Variants in KIZ observed in about 807,000 individuals in gnomAD.
KIZ encodes the protein centrosomal protein kizuna.
Under a neutral mutation model 79.6 loss-of-function variants are expected in KIZ, and 68 were observed. The observed-to-expected ratio is 0.85, with a 90% CI of 0.70 to 1.05. KIZ has a LOEUF of 1.05. KIZ is among the 50% of genes least tolerant of loss of function. The pLI is 0.00. For synonymous variants in KIZ, 280 were observed against 281.8 expected, an observed-to-expected ratio of 0.99 and a Z score of 0.06; for missense variants, 797 against 800.4, an observed-to-expected ratio of 1.00 and a Z score of 0.05.
chr20:21,134,956 C>T (rs967293287), intron 2 of KIZ, among the ~76,000 whole-genome samples: 3 of 152,180 alleles, frequency 2.0e-5, no homozygotes, highest in African/African-American at 7.2e-5. Context: ...CATGAACCCC[C>T]ATGCCCGACC....
chr20:21,198,844 G>A (rs981190469), intron 6 of KIZ: 1 of 152,562 alleles, frequency 6.6e-6, no homozygotes, highest in Non-Finnish European at 1.5e-5. Context: ...CCCTCTTTCA[G>A]TTTTTATCCT....
chr20:21,236,035 T>G (rs1436262372), intron 11 of KIZ, among the ~76,000 whole-genome samples: 1 of 152,240 alleles, frequency 6.6e-6, no homozygotes, highest in Non-Finnish European at 1.5e-5. Flanking sequence ...GTTTGGCACA[T>G]CTCCATTCTT....
chr20:21,165,662 G>A (rs1315799749), intron 6 of KIZ, among the ~76,000 whole-genome samples: 1 of 152,210 alleles, frequency 6.6e-6, no homozygotes, highest in African/African-American at 2.4e-5. Flanking sequence ...CTTGCCTTGA[G>A]AGTGGGCAGG....
chr20:21,170,030 T>C (rs942649089), intron 6 of KIZ, among the ~76,000 whole-genome samples: 1 of 152,198 alleles, frequency 6.6e-6, no homozygotes, highest in Non-Finnish European at 1.5e-5. Flanking sequence ...GCCATAAATA[T>C]CTCTGTGCAG....
intron 1 of KIZ, among the ~76,000 whole-genome samples, chr20:21,127,407 A>G (rs180866658): frequency 3.3e-5 from 5 of 152,188 alleles, no homozygotes; most frequent in African/African-American, 9.7e-5. Flanking sequence ...TGAACTATTA[A>G]TTGTAAGTTA....
Position 21,214,601 on chromosome 20 carries a change from G to C in KIZ, c.1513G>C (p.Glu505Gln), listed in dbSNP as rs1156517981. The C allele has an allele frequency of 1.2e-6, 2 of 1,613,066 alleles. No individual in the cohort carries two copies. Among genetic ancestry groups the C allele is most frequent in the Admixed American group, 1.7e-5 (1 of 60,002 alleles). The change falls in exon 8 of 13, where the codon GAA (glutamate) becomes CAA (glutamine). Residue 505 changes from glutamate (E) to glutamine (Q), a missense_variant. Coordinates refer to ENST00000619189, the MANE Select transcript of KIZ (RefSeq NM_018474.6). The part of the protein sequence containing the change: ...CGRRSAIHSS[E>Q]SSCSLPSILN... ...CCGTAGGTCAGCTATTCACAGTAGT[G>C]AATCATCTTGCAGCTTGCCATCTAT... is the stretch of plus-strand genomic sequence containing the variant.
At chr20:21,146,707 A>AG (rs2032865944) in intron 4 of KIZ, among the ~76,000 whole-genome samples, 1 of 152,206 alleles carries the variant, frequency 6.6e-6, no homozygotes, top group African/African-American at 2.4e-5. Context: ...AAAGAAACAG[A>AG]GGCCACACTA....
chr20:21,191,988 T>C (rs183779251), intron 6 of KIZ, among the ~76,000 whole-genome samples: 1 of 152,274 alleles, frequency 6.6e-6, no homozygotes. Context: ...TGTTGGGAAC[T>C]GTCCAACCCC....
intron 4 of KIZ, among the ~76,000 whole-genome samples, chr20:21,153,294 A>G (rs748942417): frequency 6.6e-6 from 1 of 152,104 alleles, no homozygotes; most frequent in Non-Finnish European, 1.5e-5. Context: ...CACTTATTTA[A>G]GATAGTGAAG....
intron 7 of KIZ, among the ~76,000 whole-genome samples, chr20:21,211,060 A>G (rs540512386): frequency 9.2e-5 from 14 of 152,270 alleles, no homozygotes; most frequent in Non-Finnish European, 1.5e-4. Context: ...TTTTGGATAC[A>G]ATGTCTTTTC....
chr20:21,178,204 CA>C (rs1266503864), intron 6 of KIZ, among the ~76,000 whole-genome samples: 2 of 151,952 alleles, frequency 1.3e-5, no homozygotes, highest in Non-Finnish European at 1.5e-5. Context: ...TCTTATAATC[CA>C]TGAACATGGA....
intron 7 of KIZ, among the ~76,000 whole-genome samples, chr20:21,205,819 G>T (rs1376901636): frequency 6.6e-6 from 1 of 151,988 alleles, no homozygotes; most frequent in Non-Finnish European, 1.5e-5. Context: ...AAATTAGCTG[G>T]ATGTGGTGGT....
intron 11 of KIZ, among the ~76,000 whole-genome samples, chr20:21,237,301 CAA>C (rs72536116): frequency 8.5e-5 from 5 of 58,638 alleles, no homozygotes; most frequent in African/African-American, 2.0e-4. Flanking sequence ...AACTCCGTCT[CAA>C]AAAAAAAAAA....
intron 11 of KIZ, among the ~76,000 whole-genome samples, chr20:21,241,221 A>T (rs891305149): frequency 6.6e-6 from 1 of 152,214 alleles, no homozygotes; most frequent in East Asian, 1.9e-4. Flanking sequence ...GCCTTGCCTT[A>T]GCTTTACATA....
intron 9 of KIZ, among the ~76,000 whole-genome samples, chr20:21,216,486 C>G (rs111407984): frequency 0.04 from 6,089 of 152,184 alleles, 161 homozygotes; most frequent in South Asian, 0.072. Context: ...ACTCATGTTT[C>G]TGTGATGAAC....
intron 4 of KIZ, among the ~76,000 whole-genome samples, chr20:21,156,783 A>G (rs2033405210): frequency 6.6e-6 from 1 of 152,138 alleles, no homozygotes; most frequent in African/African-American, 2.4e-5. Flanking sequence ...CTTACCCTCA[A>G]ATGGTTCAGA....
intron 11 of KIZ, among the ~76,000 whole-genome samples, chr20:21,235,817 T>C (rs962656421): frequency 1.3e-5 from 2 of 152,248 alleles, no homozygotes; most frequent in African/African-American, 4.8e-5. Context: ...TGTGCCAGCC[T>C]TGCAGCCACC....
intron 6 of KIZ, among the ~76,000 whole-genome samples, chr20:21,179,740 C>T (rs1349373696): frequency 6.6e-6 from 1 of 152,052 alleles, no homozygotes; most frequent in Non-Finnish European, 1.5e-5. Context: ...CTTGCTGCAT[C>T]TTCTAAGTTT....
At chr20:21,129,525 AG>A (rs1461137702) in intron 1 of KIZ, among the ~76,000 whole-genome samples, 5 of 152,112 alleles carry the variant, frequency 3.3e-5, no homozygotes, top group Non-Finnish European at 7.4e-5. Context: ...ACCTGAGGTG[AG>A]GAGTTTGAGA....
Sources: gnomAD v4.1 joint callset for allele counts (sites outside exome capture counted in the v4.1 genomes callset) on GRCh38, gnomAD v4.1.1 for gene constraint, MANE v1.5 for transcripts, NCBI Gene and HGNC (gene_info 2026-07-23, HGNC 2026-07-21) for gene names.